Variants in TTC27 observed in about 807,000 individuals in gnomAD.
The protein encoded by TTC27 is tetratricopeptide repeat domain 27, also known as tetratricopeptide repeat protein 27.
Under a neutral mutation model 115.9 loss-of-function variants are expected in TTC27, and 79 were observed. That is an observed-to-expected ratio of 0.68 (90% confidence interval 0.57 to 0.82). The LOEUF (loss-of-function observed/expected upper bound fraction) is 0.82. TTC27 is among the 40% of genes least tolerant of loss of function. The probability of loss-of-function intolerance (pLI) is 0.00; values close to 1 mark genes in which losing one functional copy is unlikely to be tolerated. For synonymous variants in TTC27, 401 were observed against 356.0 expected (o/e 1.13, Z -1.42); for missense variants, 1,054 against 993.1 (o/e 1.06, Z -0.82).
intron 13 of TTC27, among the ~76,000 whole-genome samples, chr2:32,762,889 C>T (rs948547468): frequency 6.6e-6 from 1 of 152,142 alleles, no homozygotes; most frequent in Non-Finnish European, 1.5e-5. Flanking sequence ...ATCCGCCCGC[C>T]TCGGTCTCCC....
chr2:32,698,514 C>G (rs1193240594), intron 9 of TTC27, among the ~76,000 whole-genome samples: 4 of 145,212 alleles, frequency 2.8e-5, no homozygotes, highest in Admixed American at 7.0e-5. Flanking sequence ...GAGTCTCGCT[C>G]TGTCACGCAG....
intron 9 of TTC27, among the ~76,000 whole-genome samples, chr2:32,698,943 A>G (rs1667092187): frequency 6.6e-6 from 1 of 152,194 alleles, no homozygotes; most frequent in Admixed American, 6.5e-5. Context: ...TTGGGAGCAT[A>G]TGTTCCCAAT....
intron 9 of TTC27, 86 bp downstream of exon 9, chr2:32,679,008 T>C: frequency 8.7e-7 from 1 of 1,150,914 alleles, no homozygotes; most frequent in Non-Finnish European, 1.3e-6. Flanking sequence ...ATTGTTTATG[T>C]TGAAACACTG....
intron 9 of TTC27, among the ~76,000 whole-genome samples, chr2:32,682,013 T>C (rs901515591): frequency 1.3e-5 from 2 of 151,132 alleles, no homozygotes; most frequent in Non-Finnish European, 3.0e-5. Flanking sequence ...TGTGTGTGTG[T>C]GTGTGTGTGT....
chr2:32,806,849 T>G (rs1183321222), intron 16 of TTC27, among the ~76,000 whole-genome samples: 1 of 152,244 alleles, frequency 6.6e-6, no homozygotes, highest in African/African-American at 2.4e-5. Context: ...CATTTATTAA[T>G]GTACTTAAAT....
intron 10 of TTC27, among the ~76,000 whole-genome samples, chr2:32,717,758 G>T (rs192929375): frequency 2.0e-5 from 3 of 152,278 alleles, no homozygotes; most frequent in Non-Finnish European, 4.4e-5. Context: ...AAGTATGGCA[G>T]TCTGATTTTT....
At chr2:32,705,526 CA>C (rs1293887245) in intron 10 of TTC27, among the ~76,000 whole-genome samples, 6 of 145,974 alleles carry the variant, frequency 4.1e-5, no homozygotes, top group Admixed American at 4.0e-4. Context: ...GAGGTTTTAG[CA>C]TTTTAAAAAA....
At position 32,742,809 on chromosome 2, in the gene TTC27, A is replaced by AT. The variant is rs201154032; in HGVS notation, c.1452+5999dup. ...AGCCTCTACAATAGAATCAGAATCC[A>AT]TTTTTTGCTCTCTGCTTCAAGGTAG... On this transcript the variant is annotated intron_variant, in intron 12 of 19. Coordinates refer to ENST00000317907, the MANE Select transcript of TTC27 (RefSeq NM_017735.5). Among the ~76,000 whole-genome samples, 1,439 of 152,172 alleles carry AT rather than the reference A, an allele frequency of 9.5e-3. 12 individuals are homozygous for AT. The highest frequency in any genetic ancestry group is 0.024 in the Middle Eastern group (7 of 294).
chr2:32,674,106 A>G (rs1023337282), intron 8 of TTC27, among the ~76,000 whole-genome samples: 4 of 152,132 alleles, frequency 2.6e-5, no homozygotes, highest in Admixed American at 6.5e-5. Context: ...TACCAGTTAA[A>G]TTAGTAATGG....
chr2:32,807,589 A>G lies in TTC27; in HGVS notation c.1999-3435A>G, dbSNP rs190168743. 2.2e-4 allele frequency among the ~76,000 whole-genome samples: 34 copies of G among 152,308 alleles called. No homozygotes were observed. In the East Asian group the frequency reaches 5.8e-3, roughly 26 times the overall value. On this transcript the variant is annotated intron_variant, in intron 16 of 19. Coordinates refer to ENST00000317907, the MANE Select transcript of TTC27 (RefSeq NM_017735.5). ...AACAAATACACTAAATGCCTATGCA[A>G]AGGATATTGAAAATTAGTATTATAG... is the stretch of plus-strand genomic sequence containing the variant.
intron 15 of TTC27, 21 bp downstream of exon 15, chr2:32,782,699 T>C (rs750470031): frequency 6.3e-7 from 1 of 1,577,656 alleles, no homozygotes; most frequent in Non-Finnish European, 8.7e-7. Flanking sequence ...CAGACAAATA[T>C]GAAGAAATTT....
In TTC27 at chr2:32,732,546, C is replaced by T. The variant is rs12712330; in HGVS notation, c.1234-1282C>T. On this transcript the variant is annotated intron_variant, in intron 10 of 19. Transcript: ENST00000317907. ...GATTTTTACCAGGACATGGTAGATT[C>T]CCGTCCTTTTTTTTTCTCCTGAGGC... is the stretch of plus-strand genomic sequence containing the variant. 1.4e-3 allele frequency among the ~76,000 whole-genome samples: 216 copies of T among 152,092 alleles called. 1 individual carries two copies. The highest frequency in any genetic ancestry group is 2.1e-3 in the Non-Finnish European group (146 of 67,986).
chr2:32,734,466 C>G (rs1410091063), intron 11 of TTC27, among the ~76,000 whole-genome samples: 1 of 152,146 alleles, frequency 6.6e-6, no homozygotes, highest in African/African-American at 2.4e-5. Flanking sequence ...CAAAAGAAAG[C>G]ATTTATTTGG....
intron 13 of TTC27, among the ~76,000 whole-genome samples, chr2:32,767,151 G>T (rs2057346): frequency 0.99 from 151,083 of 152,320 alleles, 74,946 homozygotes; most frequent in Middle Eastern, 1. Flanking sequence ...GAGTATATTT[G>T]TCTAAGAAAT....
chr2:32,750,955 C>T (rs971511), intron 12 of TTC27, among the ~76,000 whole-genome samples: 25,129 of 152,122 alleles, frequency 0.17, 2,503 homozygotes, highest in South Asian at 0.36. Flanking sequence ...GTGAGACAAT[C>T]AAAGTCATTG....
chr2:32,690,278 A>G (rs897027192), intron 9 of TTC27, among the ~76,000 whole-genome samples: 1 of 152,198 alleles, frequency 6.6e-6, no homozygotes, highest in Non-Finnish European at 1.5e-5. Flanking sequence ...TAGCAGAGAA[A>G]GTTTTAAAAG....
At chr2:32,731,557 T>C (rs1668292580) in intron 10 of TTC27, among the ~76,000 whole-genome samples, 1 of 152,108 alleles carries the variant, frequency 6.6e-6, no homozygotes, top group African/African-American at 2.4e-5. Context: ...TAACGATTTT[T>C]TTGTGGAGAT....
intron 10 of TTC27, among the ~76,000 whole-genome samples, chr2:32,725,179 C>G (rs1668066673): frequency 6.6e-6 from 1 of 152,136 alleles, no homozygotes; most frequent in Non-Finnish European, 1.5e-5. Flanking sequence ...CACCTCTGGC[C>G]CCTTCAAATC....
At chr2:32,768,753 G>T (rs1042739131) in intron 13 of TTC27, among the ~76,000 whole-genome samples, 1 of 152,186 alleles carries the variant, frequency 6.6e-6, no homozygotes, top group South Asian at 2.1e-4. Flanking sequence ...AACATAGAAT[G>T]ACTGAAGCCT....
Sources: gnomAD v4.1 joint callset for allele counts (sites outside exome capture counted in the v4.1 genomes callset) on GRCh38, gnomAD v4.1.1 for gene constraint, MANE v1.5 for transcripts, NCBI Gene and HGNC (gene_info 2026-07-23, HGNC 2026-07-21) for gene names.